The following CAP1 variants were observed in gnomAD, a reference collection of about 807,000 sequenced individuals.
CAP1 encodes adenylyl cyclase-associated protein 1.
CAP1 carries 11 observed loss-of-function variants against 58.2 expected under a neutral mutation model. The observed-to-expected ratio is 0.19, with a 90% confidence interval of 0.12 to 0.31. CAP1 has a LOEUF of 0.31. CAP1 is among the 10% of genes least tolerant of loss of function. The pLI is 1.00. For synonymous variants in CAP1, 183 were observed against 213.8 expected (o/e 0.86, Z 1.26); for missense variants, 423 against 587.5 (o/e 0.72, Z 2.89).
intron 1 of CAP1, among the ~76,000 whole-genome samples, chr1:40,054,486 C>T (rs1464647937): frequency 6.6e-6 from 1 of 151,832 alleles, no homozygotes; most frequent in Non-Finnish European, 1.5e-5. Context: ...TTTAATGCCT[C>T]CTATGTTTAT....
At chr1:40,046,846 C>T (rs1487015939) in intron 1 of CAP1, among the ~76,000 whole-genome samples, 1 of 150,742 alleles carries the variant, frequency 6.6e-6, no homozygotes, top group Non-Finnish European at 1.5e-5. Flanking sequence ...GATCTTGGCT[C>T]ACTGCAACCC....
intron 1 of CAP1, among the ~76,000 whole-genome samples, chr1:40,048,828 G>A (rs1224009084): frequency 6.6e-6 from 1 of 152,072 alleles, no homozygotes; most frequent in Non-Finnish European, 1.5e-5. Context: ...AAAACCTCAG[G>A]AACAGGATTA....
At chr1:40,069,095 A>G (rs565237586) in intron 8 of CAP1, among the ~76,000 whole-genome samples, 2 of 152,358 alleles carry the variant, frequency 1.3e-5, no homozygotes, top group East Asian at 1.9e-4. Flanking sequence ...TTGGCCTCCC[A>G]GAGTGTGGGA....
chr1:40,072,250 A>T lies in CAP1; in HGVS notation c.*717A>T. The T allele has an allele frequency of 3.6e-6, 1 of 278,562 alleles. No homozygotes were observed. Among genetic ancestry groups the T allele is most frequent in the Non-Finnish European group, 5.8e-6 (1 of 171,770 alleles). 17.3% of individuals were successfully genotyped at this position (278,562 alleles called of 1,614,324 possible). On this transcript the variant is annotated 3_prime_UTR_variant, in exon 13 of 13. Coordinates refer to ENST00000372805, the MANE Select transcript of CAP1 (RefSeq NM_006367.4). ...ACCTTCCTATAGAGATGACTTTAAA[A>T]GGAAAAAAAAAAAAAAAAAAACCCA...
intron 1 of CAP1, among the ~76,000 whole-genome samples, chr1:40,041,757 G>A (rs1645841307): frequency 6.6e-6 from 1 of 152,212 alleles, no homozygotes; most frequent in African/African-American, 2.4e-5. Flanking sequence ...TGTTTGCAGG[G>A]ATGTTTAAGA....
chr1:40,052,752 AT>A (rs1297835087), intron 1 of CAP1, among the ~76,000 whole-genome samples: 1 of 151,850 alleles, frequency 6.6e-6, no homozygotes, highest in African/African-American at 2.4e-5. Flanking sequence ...CCTGAATGTG[AT>A]TGAAAAAAAG....
intron 11 of CAP1, 144 bp from the exon 12 acceptor site, chr1:40,070,692 C>T: frequency 3.3e-6 from 3 of 905,470 alleles, no homozygotes; most frequent in Non-Finnish European, 5.2e-6. Context: ...GGACCCATCC[C>T]AACCCACCCG....
intron 1 of CAP1, chr1:40,057,374 A>G (rs910437419): frequency 2.6e-5 from 4 of 152,214 alleles, no homozygotes; most frequent in African/African-American, 9.7e-5. Context: ...AGGAATTCAG[A>G]TATCAGTTGA....
Position 40,060,170 on chromosome 1 carries a change from T to C in CAP1, c.216T>C (p.His72=), listed in dbSNP as rs770527391. ...SKEIGGDVQK[H]AEMVHTGLKL... ...AGATTGGGGGAGACGTGCAGAAACA[T>C]GTAAGGATGTTTTGCCTTTTTCCCC... The change falls in exon 3 of 13, where the codon CAT becomes CAC. Residue 72 remains histidine (H), a splice_region_variant and synonymous_variant. Transcript: ENST00000372805. 11 of 1,610,938 alleles carry C rather than the reference T, an allele frequency of 6.8e-6. 1 individual carries two copies. In the South Asian group the frequency reaches 9.9e-5, roughly 14 times the overall value.
chr1:40,050,013 G>T (rs999733761), intron 1 of CAP1, among the ~76,000 whole-genome samples: 1 of 152,154 alleles, frequency 6.6e-6, no homozygotes, highest in African/African-American at 2.4e-5. Flanking sequence ...TCCATATAAG[G>T]AAGAACTTTT....
Position 40,048,496 on chromosome 1 carries a change from G to T in CAP1, c.-11+7695G>T, listed in dbSNP as rs573884950. Among the ~76,000 whole-genome samples, 3 of 152,308 alleles carry T rather than the reference G, an allele frequency of 2.0e-5. No homozygotes were observed. The South Asian group carries it at 6.2e-4, about 32-fold the overall frequency. On this transcript the variant is annotated intron_variant, in intron 1 of 12. Transcript: ENST00000372805. ...GTGACATGTTAAAACCTCGTGATAA[G>T]AATTCATTAGAAGTAGAACTAACTA...
chr1:40,047,957 G>A (rs1178857946), intron 1 of CAP1, among the ~76,000 whole-genome samples: 1 of 152,112 alleles, frequency 6.6e-6, no homozygotes, highest in Non-Finnish European at 1.5e-5. Flanking sequence ...GGGTGGCAGT[G>A]ACTCAGGCAC....
At chr1:40,058,854 T>C (rs1285928145) in intron 1 of CAP1, among the ~76,000 whole-genome samples, 1 of 152,166 alleles carries the variant, frequency 6.6e-6, no homozygotes, top group African/African-American at 2.4e-5. Context: ...GATAAGGATA[T>C]GATGGAGTAC....
chr1:40,067,253 AAC>A (rs1231574831), intron 7 of CAP1: 10 of 355,890 alleles, frequency 2.8e-5, no homozygotes, highest in East Asian at 5.1e-5. Flanking sequence ...AGGTACTGGT[AAC>A]ACACTAAGGA....
chr1:40,041,156 C>G (rs1472095461), intron 1 of CAP1, among the ~76,000 whole-genome samples: 1 of 152,222 alleles, frequency 6.6e-6, no homozygotes, highest in Non-Finnish European at 1.5e-5. Flanking sequence ...AAATTGATCC[C>G]TAGAGAAGAG....
intron 6 of CAP1, among the ~76,000 whole-genome samples, chr1:40,065,654 C>T (rs892776881): frequency 4.6e-5 from 7 of 152,160 alleles, no homozygotes; most frequent in South Asian, 2.1e-4. Flanking sequence ...GGACTTGAAC[C>T]GTAGGCACAA....
At chr1:40,060,392 A>G (rs1249349577) in intron 3 of CAP1, among the ~76,000 whole-genome samples, 1 of 152,196 alleles carries the variant, frequency 6.6e-6, no homozygotes, top group Non-Finnish European at 1.5e-5. Flanking sequence ...GTATTTATAC[A>G]GAAAGCTTGC....
intron 3 of CAP1, among the ~76,000 whole-genome samples, chr1:40,060,723 A>C (rs1243420831): frequency 8.2e-6 from 1 of 121,840 alleles, no homozygotes; most frequent in Non-Finnish European, 1.6e-5. Flanking sequence ...TTTGGGACCC[A>C]AAAACCTTCC....
chr1:40,052,096 A>G (rs1646400658), intron 1 of CAP1, among the ~76,000 whole-genome samples: 1 of 152,206 alleles, frequency 6.6e-6, no homozygotes, highest in Middle Eastern at 3.4e-3. Context: ...GTGCTGGGAG[A>G]TAGAGTCAGT....
Sources: gnomAD v4.1 joint callset for allele counts (sites outside exome capture counted in the v4.1 genomes callset) on GRCh38, gnomAD v4.1.1 for gene constraint, MANE v1.5 for transcripts, NCBI Gene and HGNC (gene_info 2026-07-23, HGNC 2026-07-21) for gene names.